Variants in RCOR1 observed in about 807,000 individuals in gnomAD.
The protein encoded by RCOR1 is REST corepressor.
In RCOR1, 12 loss-of-function variants were observed where a neutral mutation model predicts 64.0. The observed-to-expected ratio is 0.19, with a 90% CI of 0.12 to 0.30. The LOEUF (loss-of-function observed/expected upper bound fraction) is 0.30, where lower values mean the gene tolerates loss of function less well. RCOR1 is among the 10% of genes least tolerant of loss of function. The pLI is 1.00. For synonymous variants in RCOR1, 279 were observed against 227.2 expected, an observed-to-expected ratio of 1.23 and a Z score of -2.05; for missense variants, 502 against 621.2, an observed-to-expected ratio of 0.81 and a Z score of 2.04.
rs542462949 is a variant in RCOR1 at position 102,700,257 on chromosome 14, C to G, written c.446-1021C>G. ...TCTTTTTTTGAGACAGAGTCTTGCTCTGTCACCAGGCTGGAGTGCAGTGGT... is the reference window on the plus strand; with the variant it reads ...TCTTTTTTTGAGACAGAGTCTTGCTGTGTCACCAGGCTGGAGTGCAGTGGT... On this transcript the variant is annotated intron_variant, in intron 3 of 11. Coordinates refer to ENST00000262241, the MANE Select transcript of RCOR1 (RefSeq NM_015156.4). Among the ~76,000 whole-genome samples the G allele has an allele frequency of 6.0e-5, 9 of 150,660 alleles. No homozygotes were observed. In the East Asian group the frequency reaches 1.7e-3, roughly 29 times the overall value.
At chr14:102,680,786 CTGAG>C (rs1222122227) in intron 2 of RCOR1, among the ~76,000 whole-genome samples, 1 of 152,178 alleles carries the variant, frequency 6.6e-6, no homozygotes, top group Non-Finnish European at 1.5e-5. Flanking sequence ...GCCTGCGTGA[CTGAG>C]TGAGACTGTC....
At position 102,690,286 on chromosome 14, in the gene RCOR1, A is replaced by G. The variant is rs557269841; in HGVS notation, c.445+8308A>G. Among the ~76,000 whole-genome samples, 26 of 152,324 alleles carry G rather than the reference A, an allele frequency of 1.7e-4. No individual in the cohort carries two copies. In the East Asian group the frequency reaches 4.2e-3, roughly 25 times the overall value. ...GAGTAATATGAATAATGTGTAATAT[A>G]TCATATATAATTCTAAACTTTCATG... On this transcript the variant is annotated intron_variant, in intron 3 of 11. Transcript: ENST00000262241.
Position 102,713,482 on chromosome 14 carries a change from C to G in RCOR1, c.859-941C>G, listed in dbSNP as rs958051322. ...TAGTTTTAGTAGAGATGGGGTTTCA[C>G]TGTGTTAGCCAGGGTGGTCTCAATC... On this transcript the variant is annotated intron_variant, in intron 7 of 11. Coordinates refer to ENST00000262241, the MANE Select transcript of RCOR1 (RefSeq NM_015156.4). Among the ~76,000 whole-genome samples the G allele has an allele frequency of 3.9e-5, 6 of 152,098 alleles. No homozygotes were observed. In the East Asian group the frequency reaches 1.2e-3, roughly 29 times the overall value.
At chr14:102,688,074 C>T (rs1895458248) in intron 3 of RCOR1, among the ~76,000 whole-genome samples, 2 of 150,166 alleles carry the variant, frequency 1.3e-5, no homozygotes, top group South Asian at 4.2e-4. Context: ...TCAAGCAGTT[C>T]TCCTGCTTCA....
intron 2 of RCOR1, among the ~76,000 whole-genome samples, chr14:102,606,732 C>T (rs1366289216): frequency 3.4e-5 from 5 of 146,110 alleles, no homozygotes; most frequent in African/African-American, 1.0e-4. Context: ...ACTTCTTGGG[C>T]ACCAGTGATC....
At chr14:102,614,158 G>A (rs1281252620) in intron 2 of RCOR1, among the ~76,000 whole-genome samples, 1 of 151,468 alleles carries the variant, frequency 6.6e-6, no homozygotes, top group Non-Finnish European at 1.5e-5. Context: ...GCCTCCCAAC[G>A]TGCTGGGATT....
rs562922082 is a variant in RCOR1 at position 102,634,618 on chromosome 14, A to ATG, written c.361+41303_361+41304dup. Among the ~76,000 whole-genome samples the ATG allele has an allele frequency of 3.0e-3, 447 of 150,530 alleles. 3 individuals carry two copies. The highest frequency in any genetic ancestry group is 0.017 in the Middle Eastern group (5 of 286). On this transcript the variant is annotated intron_variant, in intron 2 of 11. Coordinates refer to ENST00000262241, the MANE Select transcript of RCOR1 (RefSeq NM_015156.4). ...TTATATTACGTGTGTGTGTGTATGT[A>ATG]TGTGTGTGTGTATGTGTGTATATAT...
chr14:102,622,777 T>A (rs1403318714), intron 2 of RCOR1, among the ~76,000 whole-genome samples: 1 of 152,130 alleles, frequency 6.6e-6, no homozygotes, highest in Non-Finnish European at 1.5e-5. Context: ...CATGTCCTCT[T>A]TTTCTTTGTT....
chr14:102,688,468 A>T (rs1322471071), intron 3 of RCOR1, among the ~76,000 whole-genome samples: 1 of 152,186 alleles, frequency 6.6e-6, no homozygotes, highest in African/African-American at 2.4e-5. Context: ...AGCTCTTGAC[A>T]GTCCTGTGGT....
In RCOR1 at chr14:102,627,395, G is replaced by A. The variant is rs367902243; in HGVS notation, c.361+34070G>A. Among the ~76,000 whole-genome samples the A allele has an allele frequency of 5.9e-5, 9 of 152,238 alleles. No homozygotes were observed. The East Asian group carries it at 1.2e-3, about 20-fold the overall frequency. The stretch of plus-strand genomic sequence containing the variant: ...TTTTTTGCCGGGTGTGGTGGCTCAC[G>A]CCCGTAATCCCAACACTTTGGGAGG... On this transcript the variant is annotated intron_variant, in intron 2 of 11. Transcript: ENST00000262241.
chr14:102,597,061 C>A (rs1209543342), intron 2 of RCOR1, among the ~76,000 whole-genome samples: 1 of 146,750 alleles, frequency 6.8e-6, no homozygotes, highest in Non-Finnish European at 1.5e-5. Flanking sequence ...TTAGTAGAGA[C>A]GGGGTTTCAC....
intron 2 of RCOR1, among the ~76,000 whole-genome samples, chr14:102,613,774 C>T (rs186499639): frequency 6.8e-6 from 1 of 147,494 alleles, no homozygotes. Flanking sequence ...CCAGGCTGAT[C>T]TTGAACTCCT....
At chr14:102,702,491 A>G (rs1895772893) in intron 4 of RCOR1, among the ~76,000 whole-genome samples, 1 of 149,678 alleles carries the variant, frequency 6.7e-6, no homozygotes, top group Admixed American at 6.7e-5. Flanking sequence ...ATAACATATA[A>G]ATATATATAA....
At chr14:102,633,237 A>C (rs1416548398) in intron 2 of RCOR1, among the ~76,000 whole-genome samples, 1 of 152,140 alleles carries the variant, frequency 6.6e-6, no homozygotes, top group Non-Finnish European at 1.5e-5. Flanking sequence ...TCCAATAGAA[A>C]GTGGTTACAA....
At chr14:102,696,291 G>A (rs932859435) in intron 3 of RCOR1, among the ~76,000 whole-genome samples, 3 of 152,106 alleles carry the variant, frequency 2.0e-5, no homozygotes, top group African/African-American at 7.2e-5. Context: ...GCTTGATTAG[G>A]CTTTTGGAAT....
chr14:102,632,993 A>T (rs79024892), intron 2 of RCOR1, among the ~76,000 whole-genome samples: 1 of 151,392 alleles, frequency 6.6e-6, no homozygotes, highest in African/African-American at 2.4e-5. Context: ...TTTTTTTTAC[A>T]GATGGGGGTC....
In RCOR1 at chr14:102,696,570, C is replaced by T. The variant is rs574784477; in HGVS notation, c.446-4708C>T. ...TTTCTTGAGCAGCGTGGACTTTGCT[C>T]ATTGTCCTGATTAGCGTTTACTTCA... On this transcript the variant is annotated intron_variant, in intron 3 of 11. Coordinates refer to ENST00000262241, the MANE Select transcript of RCOR1 (RefSeq NM_015156.4). Among the ~76,000 whole-genome samples, 65 of 152,300 alleles carry T rather than the reference C, an allele frequency of 4.3e-4. 1 individual carries two copies. The highest frequency in any genetic ancestry group is 1.4e-3 in the African/African-American group (60 of 41,558).
At chr14:102,697,135 G>T (rs1046881347) in intron 3 of RCOR1, among the ~76,000 whole-genome samples, 1 of 152,246 alleles carries the variant, frequency 6.6e-6, no homozygotes, top group African/African-American at 2.4e-5. Flanking sequence ...TGCTTGTGCA[G>T]ATGGCTATAT....
At chr14:102,593,398 C>T in intron 2 of RCOR1, 73 bp downstream of exon 2, 4 of 1,398,220 alleles carry the variant, frequency 2.9e-6, no homozygotes, top group Non-Finnish European at 3.7e-6. Context: ...CCCGAGGGGG[C>T]GGGAGCCCGC....
Sources: gnomAD v4.1 joint callset for allele counts (sites outside exome capture counted in the v4.1 genomes callset) on GRCh38, gnomAD v4.1.1 for gene constraint, MANE v1.5 for transcripts, NCBI Gene and HGNC (gene_info 2026-07-23, HGNC 2026-07-21) for gene names.